ZC2HC1B: variants seen among roughly 807,000 people sequenced by gnomAD.
ZC2HC1B encodes zinc finger C2HC-type containing 1B, also known as zinc finger C2HC domain-containing protein 1B.
A neutral mutation model predicts 31.0 loss-of-function variants in ZC2HC1B; 36 were observed. The observed-to-expected ratio is 1.16, with a 90% CI of 0.89 to 1.54. ZC2HC1B has a LOEUF of 1.54. ZC2HC1B is among the 40% of genes most tolerant of loss of function. The pLI is 0.00. For missense variants in ZC2HC1B, 260 were observed against 268.6 expected (o/e 0.97, Z 0.22); for synonymous variants, 73 against 88.0 (o/e 0.83, Z 0.95).
In ZC2HC1B at chr6:143,923,896, GT is replaced by G. The variant is rs1042010205; in HGVS notation, c.599-13744del. 1.3e-5 allele frequency among the ~76,000 whole-genome samples: 2 copies of G among 149,480 alleles called. No individual in the cohort carries two copies. Among genetic ancestry groups the G allele is most frequent in the Non-Finnish European group, 3.0e-5 (2 of 67,206 alleles). On this transcript the variant is annotated intron_variant, in intron 6 of 7. Transcript: ENST00000237275. The surrounding 1 kb of genome is among the most constrained non-coding windows in gnomAD (Gnocchi z 4.8). ...TCAGGTATGTGATGCCTCCAGCTTTGTTTTTTTTTACTCAGGAACACTATGG... is the reference window on the plus strand; with the variant it reads ...TCAGGTATGTGATGCCTCCAGCTTTGTTTTTTTTACTCAGGAACACTATGG...
intron 6 of ZC2HC1B, among the ~76,000 whole-genome samples, chr6:143,912,869 C>A (rs1374656585): frequency 1.3e-5 from 2 of 152,214 alleles, no homozygotes; most frequent in Non-Finnish European, 2.9e-5. Context: ...AGTTGGCAGC[C>A]TGCCCCACCC....
Position 143,883,856 on chromosome 6 carries a change from C to T in ZC2HC1B, c.29-448C>T, listed in dbSNP as rs192994134. On this transcript the variant is annotated intron_variant, in intron 1 of 7. Coordinates refer to ENST00000237275, the MANE Select transcript of ZC2HC1B (RefSeq NM_001013623.3). The surrounding 1 kb of genome is among the most constrained non-coding windows in gnomAD (Gnocchi z 4.1). ...ATGCATTCAACCAATACCTTGAGTA[C>T]CTTACTATGGGTCAAGTACTTGCAT... Among the ~76,000 whole-genome samples, 1 of 152,270 alleles carries T rather than the reference C, an allele frequency of 6.6e-6. No homozygotes were observed. Among genetic ancestry groups the T allele is most frequent in the Admixed American group, 6.5e-5 (1 of 15,294 alleles).
Position 143,884,555 on chromosome 6 carries a change from G to T in ZC2HC1B, c.90+190G>T, listed in dbSNP as rs770193395. On this transcript the variant is annotated intron_variant, in intron 2 of 7. Transcript: ENST00000237275. The surrounding 1 kb of genome is among the most constrained non-coding windows in gnomAD (Gnocchi z 5.1). ...GATTGATGCTGCCTCATTCAAGAGCGACCCTATTAAACATGGTCCTCCTGA... is the reference window on the plus strand; with the variant it reads ...GATTGATGCTGCCTCATTCAAGAGCTACCCTATTAAACATGGTCCTCCTGA... Among the ~76,000 whole-genome samples, 7 of 152,140 alleles carry T rather than the reference G, an allele frequency of 4.6e-5. No homozygotes were observed. Among genetic ancestry groups the T allele is most frequent in the Non-Finnish European group, 8.8e-5 (6 of 68,024 alleles).
chr6:143,931,127 T>C (rs1457672924), intron 6 of ZC2HC1B, among the ~76,000 whole-genome samples: 2 of 152,226 alleles, frequency 1.3e-5, no homozygotes, highest in Non-Finnish European at 2.9e-5. Context: ...TAGCTACTCC[T>C]GCTTGCTTTT....
intron 6 of ZC2HC1B, among the ~76,000 whole-genome samples, chr6:143,927,540 A>G (rs888031740): frequency 1.3e-5 from 2 of 152,156 alleles, no homozygotes; most frequent in African/African-American, 4.8e-5. Context: ...TTCTTTATCC[A>G]ATCATCCATT....
rs1460882127 is a variant in ZC2HC1B at position 143,922,526 on chromosome 6, A to G, written c.599-15123A>G. On this transcript the variant is annotated intron_variant, in intron 6 of 7. Coordinates refer to ENST00000237275, the MANE Select transcript of ZC2HC1B (RefSeq NM_001013623.3). The surrounding 1 kb of genome is among the most constrained non-coding windows in gnomAD (Gnocchi z 5.0). ...TAGTAACTATCATTCTATTCCCTACATCACTGAAATCAACTTTTTTAGCTC... is the reference window on the plus strand; with the variant it reads ...TAGTAACTATCATTCTATTCCCTACGTCACTGAAATCAACTTTTTTAGCTC... Among the ~76,000 whole-genome samples, 1 of 152,118 alleles carries G rather than the reference A, an allele frequency of 6.6e-6. No homozygotes were observed. The highest frequency in any genetic ancestry group is 1.5e-5 in the Non-Finnish European group (1 of 67,998).
chr6:143,930,338 C>T, intron 6 of ZC2HC1B, among the ~76,000 whole-genome samples: 1 of 149,820 alleles, frequency 6.7e-6, no homozygotes, highest in Non-Finnish European at 1.5e-5. Flanking sequence ...CATTCAGGAG[C>T]AGGTTGTTTA....
rs944656181 is a variant in ZC2HC1B, at chr6:143,921,355, G to A, written c.599-16294G>A. Among the ~76,000 whole-genome samples the A allele has an allele frequency of 4.6e-5, 7 of 152,170 alleles. No individual in the cohort carries two copies. The highest frequency in any genetic ancestry group is 3.9e-4 in the Admixed American group (6 of 15,274). ...TGTACCAAAAAGAAATGGAATATAA[G>A]TTTCAAGAAAGGGGAATTCTCTACT... On this transcript the variant is annotated intron_variant, in intron 6 of 7. Transcript: ENST00000237275. This position sits in a 1 kb window ranked among gnomAD's most constrained non-coding sequence, Gnocchi z 6.1.
intron 1 of ZC2HC1B, among the ~76,000 whole-genome samples, chr6:143,874,348 C>T (rs535371997): frequency 2.0e-5 from 3 of 152,318 alleles, no homozygotes; most frequent in Admixed American, 6.5e-5. Flanking sequence ...TTCCTGTCTT[C>T]TTCTGAGCCC....
At position 143,913,492 on chromosome 6, in the gene ZC2HC1B, G is replaced by C. The variant is rs1562345583; in HGVS notation, c.598+10340G>C. On this transcript the variant is annotated intron_variant, in intron 6 of 7. Coordinates refer to ENST00000237275, the MANE Select transcript of ZC2HC1B (RefSeq NM_001013623.3). This position sits in a 1 kb window ranked among gnomAD's most constrained non-coding sequence, Gnocchi z 5.7. ...ATCTTGTCAGGTGTGGTGGAAGTGGGGTCTACAGAATGATGCTGCTTGGCT... is the reference window on the plus strand; with the variant it reads ...ATCTTGTCAGGTGTGGTGGAAGTGGCGTCTACAGAATGATGCTGCTTGGCT... Among the ~76,000 whole-genome samples, 1 of 152,126 alleles carries C rather than the reference G, an allele frequency of 6.6e-6. No homozygotes were observed. The highest frequency in any genetic ancestry group is 2.4e-5 in the African/African-American group (1 of 41,400).
rs1312557354 is a variant in ZC2HC1B at position 143,915,507 on chromosome 6, C to A, written c.598+12355C>A. 6.6e-6 allele frequency among the ~76,000 whole-genome samples: 1 copy of A among 152,128 alleles called. No individual in the cohort carries two copies. Among genetic ancestry groups the A allele is most frequent in the Non-Finnish European group, 1.5e-5 (1 of 68,028 alleles). On this transcript the variant is annotated intron_variant, in intron 6 of 7. Coordinates refer to ENST00000237275, the MANE Select transcript of ZC2HC1B (RefSeq NM_001013623.3). This position sits in a 1 kb window ranked among gnomAD's most constrained non-coding sequence, Gnocchi z 5.2. ...AGTGACTTTGGAACAGGGTAACAGG[C>A]AGAGGTTGGAACAGTTTGGAGGCCT...
Position 143,915,383 on chromosome 6 carries a change from C to G in ZC2HC1B, c.598+12231C>G, listed in dbSNP as rs909052531. On this transcript the variant is annotated intron_variant, in intron 6 of 7. Coordinates refer to ENST00000237275, the MANE Select transcript of ZC2HC1B (RefSeq NM_001013623.3). The surrounding 1 kb of genome is among the most constrained non-coding windows in gnomAD (Gnocchi z 5.2). ...CTTCTTTCTTTTGTAAATTGCCCAG[C>G]CTTGGGTATGTCTTTTTCGGCAGCA... Among the ~76,000 whole-genome samples the G allele has an allele frequency of 6.6e-6, 1 of 152,092 alleles. No individual in the cohort carries two copies. The highest frequency in any genetic ancestry group is 1.5e-5 in the Non-Finnish European group (1 of 68,022).
rs1394901095 is a variant in ZC2HC1B, at chr6:143,908,490, A to G, written c.598+5338A>G. Among the ~76,000 whole-genome samples, 1 of 152,112 alleles carries G rather than the reference A, an allele frequency of 6.6e-6. No homozygotes were observed. The highest frequency in any genetic ancestry group is 6.6e-5 in the Admixed American group (1 of 15,264). Reference sequence around the variant, plus strand: ...ATAGTTCTCTTTGAAGAGATTCTTCACTTTCCTTGTTAGCTGTATTCCTGG... The same window carrying G: ...ATAGTTCTCTTTGAAGAGATTCTTCGCTTTCCTTGTTAGCTGTATTCCTGG... On this transcript the variant is annotated intron_variant, in intron 6 of 7. Coordinates refer to ENST00000237275, the MANE Select transcript of ZC2HC1B (RefSeq NM_001013623.3). The surrounding 1 kb of genome is among the most constrained non-coding windows in gnomAD (Gnocchi z 4.4).
intron 6 of ZC2HC1B, among the ~76,000 whole-genome samples, chr6:143,904,505 G>A (rs964929462): frequency 2.0e-5 from 3 of 152,128 alleles, no homozygotes; most frequent in African/African-American, 7.2e-5. Flanking sequence ...AGGACTATAC[G>A]CATGTGCCAA....
chr6:143,931,851 T>A (rs1271970287), intron 6 of ZC2HC1B, among the ~76,000 whole-genome samples: 8 of 137,068 alleles, frequency 5.8e-5, no homozygotes, highest in Admixed American at 2.2e-4. Context: ...TCTTTGAACT[T>A]CTTCTTCTTC....
At chr6:143,925,541 T>C (rs1364248072) in intron 6 of ZC2HC1B, among the ~76,000 whole-genome samples, 96 of 146,718 alleles carry the variant, frequency 6.5e-4, no homozygotes, top group Non-Finnish European at 9.6e-4. Flanking sequence ...CTTTTCTTTT[T>C]TTTTTTTTTT....
At chr6:143,906,632 T>TA (rs1363609531) in intron 6 of ZC2HC1B, among the ~76,000 whole-genome samples, 2 of 151,998 alleles carry the variant, frequency 1.3e-5, no homozygotes, top group South Asian at 2.1e-4. Context: ...TTAATAGAGA[T>TA]AGAGTTTTGC....
chr6:143,891,169 CA>C (rs1777597917), intron 4 of ZC2HC1B, among the ~76,000 whole-genome samples: 1 of 148,566 alleles, frequency 6.7e-6, no homozygotes, highest in Admixed American at 6.7e-5. Flanking sequence ...TTTATAATAA[CA>C]TAAAAATAGT....
intron 1 of ZC2HC1B, among the ~76,000 whole-genome samples, chr6:143,879,824 ATTTTTTTTTT>A (rs557859315): frequency 7.5e-5 from 4 of 53,680 alleles, no homozygotes; most frequent in Non-Finnish European, 9.8e-5. Flanking sequence ...GTTGTCCCTG[ATTTTTTTTTT>A]TTTTTTTTTT....
Sources: gnomAD v4.1 joint callset for allele counts (sites outside exome capture counted in the v4.1 genomes callset) on GRCh38, gnomAD v4.1.1 for gene constraint, Gnocchi (gnomAD v3.1) non-coding constraint, MANE v1.5 for transcripts, NCBI Gene and HGNC (gene_info 2026-07-23, HGNC 2026-07-21) for gene names.